PCDH15: variants seen among roughly 807,000 people sequenced by gnomAD.
PCDH15 encodes the protein protocadherin-15.
Under a neutral mutation model 178.5 loss-of-function variants are expected in PCDH15, and 129 were observed. That is an observed-to-expected ratio of 0.72 (90% confidence interval 0.63 to 0.84). The LOEUF (loss-of-function observed/expected upper bound fraction) is 0.84, where lower values mean the gene tolerates loss of function less well. Among genes scored for constraint, PCDH15 ranks in the 40% least tolerant of loss-of-function variants. The probability of loss-of-function intolerance (pLI) is 0.00; values close to 1 mark genes in which losing one functional copy is unlikely to be tolerated. For synonymous variants in PCDH15, 800 were observed against 732.0 expected, an observed-to-expected ratio of 1.09 and a Z score of -1.50; for missense variants, 2,230 against 2,099.9, an observed-to-expected ratio of 1.06 and a Z score of -1.21.
intron 2 of PCDH15, among the ~76,000 whole-genome samples, chr10:55,164,667 A>T (rs1318496994): frequency 6.6e-6 from 1 of 152,084 alleles, no homozygotes; most frequent in African/African-American, 2.4e-5. Flanking sequence ...AGAGAAACAG[A>T]TTTTCTTTGT....
intron 1 of PCDH15, among the ~76,000 whole-genome samples, chr10:54,735,878 A>G (rs1256088082): frequency 1.4e-4 from 12 of 86,930 alleles, no homozygotes; most frequent in Non-Finnish European, 4.5e-5. Context: ...GGGTGGGGGG[A>G]GGGGGGAGGG....
chr10:53,933,325 T>G (rs1291956571), intron 25 of PCDH15, among the ~76,000 whole-genome samples: 6 of 141,776 alleles, frequency 4.2e-5, no homozygotes, highest in Admixed American at 3.5e-4. Flanking sequence ...CCCTCCCCCC[T>G]TCCCCCACCC....
chr10:54,765,646 C>T (rs1316097821), intron 1 of PCDH15, among the ~76,000 whole-genome samples: 4 of 152,178 alleles, frequency 2.6e-5, no homozygotes, highest in Middle Eastern at 3.4e-3. Context: ...TACAATGTGC[C>T]ATTCTTTATG....
intron 11 of PCDH15, among the ~76,000 whole-genome samples, 181 bp from the exon 12 acceptor site, chr10:54,185,449 G>A (rs1262959397): frequency 2.6e-5 from 4 of 152,000 alleles, no homozygotes; most frequent in African/African-American, 7.2e-5. Context: ...TCAAAAGATG[G>A]TGACCTATAT....
chr10:54,009,632 G>A (rs2092506582), intron 20 of PCDH15, among the ~76,000 whole-genome samples: 1 of 152,164 alleles, frequency 6.6e-6, no homozygotes, highest in Non-Finnish European at 1.5e-5. Flanking sequence ...GAATTCATCA[G>A]GAAACAGCAT....
intron 1 of PCDH15, among the ~76,000 whole-genome samples, chr10:54,797,173 C>T (rs570376240): frequency 8.5e-5 from 13 of 152,136 alleles, no homozygotes; most frequent in African/African-American, 3.1e-4. Context: ...ATAGGAACTA[C>T]ACATCTGCCA....
At chr10:55,582,628 A>ATATTTTTTTTT (rs780312007) in intron 2 of PCDH15, among the ~76,000 whole-genome samples, 4 of 69,026 alleles carry the variant, frequency 5.8e-5, no homozygotes, top group African/African-American at 1.3e-4. Flanking sequence ...ATATATATAT[A>ATATTTTTTTTT]TTTTTTTTTT....
rs76647371 is a variant in PCDH15 at position 54,576,834 on chromosome 10, C to T, written c.92-48957G>A. On this transcript the variant is annotated intron_variant, in intron 2 of 37. Coordinates refer to ENST00000644397, the MANE Select transcript of PCDH15 (RefSeq NM_001384140.1). ...CATTAGTACTCAAAGTAAAAGAGTG[C>T]ATCTATTCTCTCAAGTAATATTGAA... 9.0e-3 allele frequency among the ~76,000 whole-genome samples: 1,363 copies of T among 152,218 alleles called. 27 individuals carry two copies. In the East Asian group the frequency reaches 0.097, roughly 11 times the overall value.
At chr10:54,289,481 C>T (rs2059255467) in intron 8 of PCDH15, among the ~76,000 whole-genome samples, 2 of 152,244 alleles carry the variant, frequency 1.3e-5, no homozygotes, top group East Asian at 1.9e-4. Context: ...AACCAGAGTG[C>T]CTCTTCTCCT....
chr10:54,827,538 C>G (rs1276421446), intron 3 of PCDH15, among the ~76,000 whole-genome samples: 1 of 152,040 alleles, frequency 6.6e-6, no homozygotes, highest in Non-Finnish European at 1.5e-5. Flanking sequence ...GCAAGATAGA[C>G]AGTGAGAGAA....
chr10:54,800,137 C>A (rs1458514766), intron 1 of PCDH15, among the ~76,000 whole-genome samples: 1 of 152,090 alleles, frequency 6.6e-6, no homozygotes, highest in Non-Finnish European at 1.5e-5. Context: ...TCCATCAAAT[C>A]GATGGCCATC....
intron 2 of PCDH15, among the ~76,000 whole-genome samples, chr10:54,601,596 T>C (rs551537535): frequency 6.2e-4 from 94 of 151,908 alleles, no homozygotes; most frequent in Non-Finnish European, 1.1e-3. Context: ...TTGGTGGGAG[T>C]ATAATTTAGT....
chr10:54,799,949 C>T (rs1277334629), intron 1 of PCDH15, among the ~76,000 whole-genome samples: 1 of 152,100 alleles, frequency 6.6e-6, no homozygotes, highest in Non-Finnish European at 1.5e-5. Context: ...AAATATGCCT[C>T]TTTTACAGAT....
At chr10:54,365,912 C>T (rs147494511) in intron 5 of PCDH15, among the ~76,000 whole-genome samples, 93 of 152,070 alleles carry the variant, frequency 6.1e-4, no homozygotes, top group East Asian at 4.6e-3. Context: ...AACATGTTTA[C>T]GAAGAGCGTA....
Position 53,959,168 on chromosome 10 carries a change from A to G in PCDH15, c.3122+564T>C, listed in dbSNP as rs565057742. ...AAATGTATATGTATTATATATGTGT[A>G]TATATAGTGTGTATATATATATACA... On this transcript the variant is annotated intron_variant, in intron 23 of 37. Transcript: ENST00000644397. Among the ~76,000 whole-genome samples, 6 of 147,790 alleles carry G rather than the reference A, an allele frequency of 4.1e-5. No individual in the cohort carries two copies. The East Asian group carries it at 7.8e-4, about 19-fold the overall frequency.
intron 1 of PCDH15, among the ~76,000 whole-genome samples, chr10:55,257,246 A>C (rs1842023492): frequency 6.6e-6 from 1 of 152,182 alleles, no homozygotes; most frequent in African/African-American, 2.4e-5. Context: ...ATCAAAGACC[A>C]AAGGTAGATA....
chr10:54,404,367 C>T (rs1952342217), intron 3 of PCDH15, among the ~76,000 whole-genome samples: 1 of 151,972 alleles, frequency 6.6e-6, no homozygotes, highest in South Asian at 2.1e-4. Flanking sequence ...AACAAGGTCA[C>T]ATGCCTCCAA....
At chr10:54,739,133 G>GAT (rs1055467097) in intron 1 of PCDH15, among the ~76,000 whole-genome samples, 4 of 151,808 alleles carry the variant, frequency 2.6e-5, no homozygotes, top group African/African-American at 4.8e-5. Flanking sequence ...TTTTGCAGAT[G>GAT]ATATGATCTT....
chr10:55,404,324 T>C (rs898283008), intron 2 of PCDH15, among the ~76,000 whole-genome samples: 6 of 152,016 alleles, frequency 3.9e-5, no homozygotes, highest in Admixed American at 1.3e-4. Flanking sequence ...ACAGATATTA[T>C]GATTGATGAG....
Sources: gnomAD v4.1 joint callset for allele counts (sites outside exome capture counted in the v4.1 genomes callset) on GRCh38, gnomAD v4.1.1 for gene constraint, MANE v1.5 for transcripts, NCBI Gene and HGNC (gene_info 2026-07-23, HGNC 2026-07-21) for gene names.